Variants in EFCAB6 observed in about 807,000 individuals in gnomAD.
EFCAB6 encodes EF-hand calcium-binding domain-containing protein 6.
A neutral mutation model predicts 169.8 loss-of-function variants in EFCAB6; 156 were observed. The observed-to-expected ratio is 0.92, with a 90% CI of 0.81 to 1.05. The LOEUF (loss-of-function observed/expected upper bound fraction) is 1.05, where lower values mean the gene tolerates loss of function less well. EFCAB6 is among the 50% of genes least tolerant of loss of function. The pLI is 0.00. For missense variants in EFCAB6, 1,800 were observed against 1,829.1 expected (o/e 0.98, Z 0.29); for synonymous variants, 698 against 676.4 (o/e 1.03, Z -0.50).
chr22:43,713,920 G>A (rs1190395689), intron 9 of EFCAB6, among the ~76,000 whole-genome samples: 2 of 152,012 alleles, frequency 1.3e-5, no homozygotes, highest in Non-Finnish European at 2.9e-5. Flanking sequence ...GAAGGATCAG[G>A]CAAAGACAAA....
intron 10 of EFCAB6, among the ~76,000 whole-genome samples, chr22:43,705,261 T>C (rs8136283): frequency 0.28 from 41,869 of 151,904 alleles, 6,891 homozygotes; most frequent in East Asian, 0.64. Context: ...GAAGGTCAGA[T>C]TGCAATATAA....
chr22:43,675,805 C>A (rs139324960), intron 13 of EFCAB6, among the ~76,000 whole-genome samples: 2,861 of 148,598 alleles, frequency 0.019, 100 homozygotes, highest in African/African-American at 0.067. Flanking sequence ...TATAATATAA[C>A]TCTATATACA....
intron 17 of EFCAB6, among the ~76,000 whole-genome samples, chr22:43,637,331 G>A (rs752217017): frequency 1.1e-4 from 16 of 152,234 alleles, no homozygotes; most frequent in Non-Finnish European, 2.1e-4. Flanking sequence ...ACCTTGTGGC[G>A]CAGTCATCAG....
intron 23 of EFCAB6, among the ~76,000 whole-genome samples, chr22:43,592,287 G>T (rs1018606350): frequency 3.9e-5 from 6 of 152,160 alleles, no homozygotes; most frequent in Non-Finnish European, 8.8e-5. Context: ...ATACAAATGA[G>T]CTGCAGGAAC....
intron 3 of EFCAB6, among the ~76,000 whole-genome samples, chr22:43,776,791 C>G (rs945701292): frequency 2.0e-5 from 3 of 152,156 alleles, no homozygotes; most frequent in African/African-American, 7.2e-5. Flanking sequence ...CTTCAGGCAC[C>G]TGCAGAAAGG....
At chr22:43,698,431 A>G (rs1213539957) in intron 10 of EFCAB6, among the ~76,000 whole-genome samples, 1 of 152,182 alleles carries the variant, frequency 6.6e-6, no homozygotes, top group East Asian at 1.9e-4. Context: ...GAGCCCCGGG[A>G]TGCTGTATCC....
At chr22:43,803,058 C>T (rs999482987) in intron 2 of EFCAB6, among the ~76,000 whole-genome samples, 2 of 152,162 alleles carry the variant, frequency 1.3e-5, no homozygotes, top group Non-Finnish European at 2.9e-5. Flanking sequence ...AGCATGAAAG[C>T]CTTAAGGAGG....
intron 22 of EFCAB6, among the ~76,000 whole-genome samples, chr22:43,606,019 G>T (rs1197106607): frequency 1.3e-5 from 2 of 152,296 alleles, no homozygotes; most frequent in East Asian, 3.9e-4. Flanking sequence ...GGGGTCACCA[G>T]GTGAATGTGT....
chr22:43,728,383 T>C (rs1387502728), intron 8 of EFCAB6, among the ~76,000 whole-genome samples: 1 of 152,238 alleles, frequency 6.6e-6, no homozygotes, highest in Admixed American at 6.5e-5. Context: ...CATGTGCATG[T>C]GTCTTTATAG....
intron 3 of EFCAB6, among the ~76,000 whole-genome samples, chr22:43,777,115 G>T (rs185393486): frequency 6.6e-6 from 1 of 152,174 alleles, no homozygotes; most frequent in Non-Finnish European, 1.5e-5. Flanking sequence ...CGTGTGAGGG[G>T]TGTTAAAGAA....
rs78773889 is a variant in EFCAB6, at chr22:43,696,803, G to A, written c.1032-9222C>T. Among the ~76,000 whole-genome samples, 1,458 of 152,270 alleles carry A rather than the reference G, an allele frequency of 9.6e-3. 15 individuals are homozygous for A. Among genetic ancestry groups the A allele is most frequent in the Admixed American group, 0.019 (287 of 15,296 alleles). The stretch of plus-strand genomic sequence containing the variant: ...TGGTTGCCGGAGGTGGGGGTCACGG[G>A]AGGGGATTAATTACACAGGGCAAAT... On this transcript the variant is annotated intron_variant, in intron 10 of 31. Transcript: ENST00000262726.
chr22:43,703,824 A>T (rs1404120318), intron 10 of EFCAB6, among the ~76,000 whole-genome samples: 1 of 152,122 alleles, frequency 6.6e-6, no homozygotes, highest in African/African-American at 2.4e-5. Context: ...AGAGGAACAA[A>T]AGGAAAAAAA....
intron 10 of EFCAB6, among the ~76,000 whole-genome samples, chr22:43,695,215 C>T (rs137806): frequency 2.6e-5 from 4 of 151,614 alleles, no homozygotes; most frequent in Non-Finnish European, 5.9e-5. Flanking sequence ...AGCCATAAAT[C>T]GTTGGAAAAT....
intron 26 of EFCAB6, among the ~76,000 whole-genome samples, chr22:43,574,775 T>C (rs2050134356): frequency 6.6e-6 from 1 of 152,292 alleles, no homozygotes; most frequent in African/African-American, 2.4e-5. Flanking sequence ...TTTCAGGTCA[T>C]TTGTAGACAA....
rs1390583784 is a variant in EFCAB6 at position 43,572,488 on chromosome 22, T to A, written c.3420+3809A>T. ...AAGACAGTCCCCATGTCACTCAGAGTCAAAGCCAAAGTCTTTACAAGGACC... is the reference window on the plus strand; with the variant it reads ...AAGACAGTCCCCATGTCACTCAGAGACAAAGCCAAAGTCTTTACAAGGACC... On this transcript the variant is annotated intron_variant, in intron 26 of 31. Transcript: ENST00000262726. The surrounding 1 kb of genome is among the most constrained non-coding windows in gnomAD (Gnocchi z 4.0). Among the ~76,000 whole-genome samples, 1 of 152,080 alleles carries A rather than the reference T, an allele frequency of 6.6e-6. No individual in the cohort carries two copies. The highest frequency in any genetic ancestry group is 1.5e-5 in the Non-Finnish European group (1 of 68,000).
At chr22:43,786,088 C>T (rs1374207581) in intron 2 of EFCAB6, among the ~76,000 whole-genome samples, 1 of 152,198 alleles carries the variant, frequency 6.6e-6, no homozygotes, top group Non-Finnish European at 1.5e-5. Context: ...CAAGGCTGGG[C>T]ATGGTGGCTC....
At chr22:43,570,929 C>T (rs1329711692) in intron 26 of EFCAB6, among the ~76,000 whole-genome samples, 1 of 152,236 alleles carries the variant, frequency 6.6e-6, no homozygotes, top group Admixed American at 6.5e-5. Context: ...CTGGGGCGGG[C>T]TGGTCTGCAG....
At chr22:43,702,664 G>C (rs1298452677) in intron 10 of EFCAB6, among the ~76,000 whole-genome samples, 1 of 152,130 alleles carries the variant, frequency 6.6e-6, no homozygotes, top group Non-Finnish European at 1.5e-5. Context: ...ACCATCTGGA[G>C]TCAGGTAGAA....
intron 5 of EFCAB6, among the ~76,000 whole-genome samples, chr22:43,763,201 A>G (rs2061223017): frequency 6.6e-6 from 1 of 151,680 alleles, no homozygotes; most frequent in Non-Finnish European, 1.5e-5. Flanking sequence ...ACCACACCCA[A>G]CTAATTTTTG....
Sources: allele counts gnomAD v4.1 joint callset (sites outside exome capture counted in the v4.1 genomes callset), GRCh38; gene constraint gnomAD v4.1.1; non-coding constraint Gnocchi (gnomAD v3.1); transcripts MANE v1.5; gene names NCBI Gene and HGNC (gene_info 2026-07-23, HGNC 2026-07-21).